The following FMNL2 variants were observed in gnomAD, a reference collection of about 807,000 sequenced individuals.
The protein encoded by FMNL2 is formin like 2, also known as formin-like protein 2.
Under a neutral mutation model 130.2 loss-of-function variants are expected in FMNL2, and 51 were observed. The ratio of observed to expected loss-of-function variants is 0.39; its 90% CI spans 0.31 to 0.49. The LOEUF (loss-of-function observed/expected upper bound fraction) is 0.49, where lower values mean the gene tolerates loss of function less well. Among genes scored for constraint, FMNL2 ranks in the 20% least tolerant of loss-of-function variants. The pLI is 0.85. For synonymous variants in FMNL2, 465 were observed against 467.1 expected (o/e 1.00, Z 0.06); for missense variants, 977 against 1,316.2 (o/e 0.74, Z 3.99).
At chr2:152,426,722 A>G (rs568687425) in intron 1 of FMNL2, among the ~76,000 whole-genome samples, 1 of 152,208 alleles carries the variant, frequency 6.6e-6, no homozygotes, top group Admixed American at 6.5e-5. Context: ...ATAAAACAAC[A>G]ATCTGTTTTG....
intron 2 of FMNL2, among the ~76,000 whole-genome samples, chr2:152,524,959 A>G (rs1200900918): frequency 1.1e-4 from 16 of 152,174 alleles, no homozygotes; most frequent in Admixed American, 1.0e-3. Context: ...TGCTTGTCCA[A>G]GAAAGCTTGT....
intron 9 of FMNL2, among the ~76,000 whole-genome samples, chr2:152,582,784 A>G (rs1696865652): frequency 6.6e-6 from 1 of 152,230 alleles, no homozygotes. Context: ...TCATTAGGTC[A>G]TATTTGAAAA....
At chr2:152,505,378 A>T (rs954760208) in intron 1 of FMNL2, among the ~76,000 whole-genome samples, 8 of 152,226 alleles carry the variant, frequency 5.3e-5, no homozygotes. Context: ...AATGGATAGA[A>T]TTAGAAACAA....
intron 1 of FMNL2, among the ~76,000 whole-genome samples, chr2:152,343,557 A>T (rs894708136): frequency 1.5e-5 from 1 of 65,988 alleles, no homozygotes; most frequent in East Asian, 8.5e-4. Flanking sequence ...TGACATCTCA[A>T]AGTGCTGGGA....
At position 152,648,112 on chromosome 2, in the gene FMNL2, T is replaced by C; in HGVS notation, c.*207T>C. On this transcript the variant is annotated 3_prime_UTR_variant, in exon 26 of 26. Coordinates refer to ENST00000288670, the MANE Select transcript of FMNL2 (RefSeq NM_052905.4). Reference sequence around the variant, plus strand: ...TAAAAATGGAAGTACCTGTTCAGATTAATCAAAGCAATAGGATTTGATTTG... The same window carrying C: ...TAAAAATGGAAGTACCTGTTCAGATCAATCAAAGCAATAGGATTTGATTTG... The C allele has an allele frequency of 1.9e-6, 1 of 522,154 alleles. No homozygotes were observed. Among genetic ancestry groups the C allele is most frequent in the Non-Finnish European group, 3.4e-6 (1 of 297,398 alleles). The allele number at this position is 522,154 out of a possible 1,614,324, so 32.3% of individuals were successfully genotyped here. A position where few individuals can be genotyped will look rare whatever the true frequency, so the allele number is the denominator to read the frequency against.
rs759810666 is a variant in FMNL2 at position 152,578,902 on chromosome 2, G to A, written c.720G>A (p.Met240Ile). Reference sequence around the variant, plus strand: ...GTTAATTTTAGTATGGTTTCAACATGGTCATGTCTCATCCACACGCTGTCA... The same window carrying A: ...GTTAATTTTAGTATGGTTTCAACATAGTCATGTCTCATCCACACGCTGTCA... Reference protein sequence around the residue: ...AIMNYQYGFNMVMSHPHAVNE... With the variant: ...AIMNYQYGFNIVMSHPHAVNE... The change falls in exon 8 of 26, where the codon ATG becomes ATA. Residue 240 changes from methionine (M) to isoleucine (I), a missense_variant. This residue lies in a region of FMNL2 where 689 missense variants were observed against 995.9 expected (regional missense o/e 0.69). Transcript: ENST00000288670. 1 of 1,612,074 alleles carries A rather than the reference G, an allele frequency of 6.2e-7. No homozygotes were observed. Among genetic ancestry groups the A allele is most frequent in the South Asian group, 1.1e-5 (1 of 90,744 alleles).
chr2:152,563,712 C>T lies in FMNL2; in HGVS notation c.596+2677C>T, dbSNP rs73969122. On this transcript the variant is annotated intron_variant, in intron 6 of 25. Transcript: ENST00000288670. ...TTACCATCCTCCCTTTTCTTTTAGC[C>T]ATCTCATTTCTGATTGTCTTCTCCT... 5.7e-3 allele frequency among the ~76,000 whole-genome samples: 861 copies of T among 152,076 alleles called. 3 individuals are homozygous for T. The highest frequency in any genetic ancestry group is 0.017 in the African/African-American group (685 of 41,460).
intron 6 of FMNL2, among the ~76,000 whole-genome samples, chr2:152,569,955 G>A (rs1411042224): frequency 2.7e-5 from 4 of 150,680 alleles, no homozygotes; most frequent in Non-Finnish European, 4.4e-5. Context: ...AGGTTGCAGT[G>A]AGCCAAGAGT....
Position 152,618,861 on chromosome 2 carries a change from G to A in FMNL2, c.1330G>A (p.Ala444Thr). ...TTTATTGCAGGAAATCTACAAAGAT[G>A]CAAATACTCAAGTTCACACATTAAG... Reference protein sequence around the residue: ...LDVVREIYKDANTQVHTLRKM... With the variant: ...LDVVREIYKDTNTQVHTLRKM... The change falls in exon 14 of 26, where the codon GCA (alanine) becomes ACA (threonine). Residue 444 changes from alanine (A) to threonine (T), a missense_variant. Ala to Thr is a moderately conservative substitution (Grantham distance 58). This residue lies in a region of FMNL2 where 689 missense variants were observed against 995.9 expected (regional missense o/e 0.69). Coordinates refer to ENST00000288670, the MANE Select transcript of FMNL2 (RefSeq NM_052905.4). 6.3e-7 allele frequency: 1 copy of A among 1,598,590 alleles called. No homozygotes were observed. Among genetic ancestry groups the A allele is most frequent in the South Asian group, 1.1e-5 (1 of 88,596 alleles).
intron 25 of FMNL2, among the ~76,000 whole-genome samples, chr2:152,642,349 G>A (rs1322976320): frequency 6.6e-6 from 1 of 152,122 alleles, no homozygotes; most frequent in African/African-American, 2.4e-5. Flanking sequence ...TAAATACATA[G>A]GTTAGGTGAT....
intron 1 of FMNL2, among the ~76,000 whole-genome samples, chr2:152,468,938 GTAA>G (rs1390199953): frequency 6.6e-6 from 1 of 152,194 alleles, no homozygotes; most frequent in African/African-American, 2.4e-5. Flanking sequence ...TATAAATGAA[GTAA>G]TAATGATGCA....
chr2:152,591,666 C>A (rs992727813), intron 9 of FMNL2, among the ~76,000 whole-genome samples: 3 of 152,138 alleles, frequency 2.0e-5, no homozygotes, highest in African/African-American at 7.2e-5. Flanking sequence ...ATTAGCCAGG[C>A]ATGTTGGTGC....
rs1012424410 is a variant in FMNL2, at chr2:152,640,979, T to C, written c.3169+65T>C. Reference sequence around the variant, plus strand: ...CTGGCCTCACCTAGACTGGGATGCATGCAGATTTTGCAGCTTCTTTTGTCC... The same window carrying C: ...CTGGCCTCACCTAGACTGGGATGCACGCAGATTTTGCAGCTTCTTTTGTCC... On this transcript the variant is annotated intron_variant, in intron 25 of 25. Coordinates refer to ENST00000288670, the MANE Select transcript of FMNL2 (RefSeq NM_052905.4). The C allele has an allele frequency of 9.4e-6, 15 of 1,593,700 alleles. No individual in the cohort carries two copies. In the South Asian group the frequency reaches 1.0e-4, roughly 11 times the overall value.
intron 1 of FMNL2, among the ~76,000 whole-genome samples, chr2:152,400,320 C>A (rs1057409201): frequency 6.6e-6 from 1 of 152,138 alleles, no homozygotes. Context: ...GCAGTCCCAG[C>A]TACTCTGTGG....
chr2:152,566,290 G>A (rs1695832345), intron 6 of FMNL2, among the ~76,000 whole-genome samples: 1 of 152,202 alleles, frequency 6.6e-6, no homozygotes, highest in Admixed American at 6.5e-5. Flanking sequence ...GATACAGATA[G>A]CGTTGATGTA....
At chr2:152,549,170 A>T in intron 4 of FMNL2, 73 bp downstream of exon 4, 1 of 1,055,554 alleles carries the variant, frequency 9.5e-7, no homozygotes, top group Non-Finnish European at 1.3e-6. Context: ...TCATACCCAA[A>T]GAATTGAGCT....
chr2:152,539,007 G>A (rs546863354), intron 2 of FMNL2, among the ~76,000 whole-genome samples: 31 of 152,106 alleles, frequency 2.0e-4, no homozygotes, highest in Admixed American at 6.5e-4. Context: ...ATTAAAAGTC[G>A]AAACTGCTTT....
intron 18 of FMNL2, 38 bp from the exon 19 acceptor site, chr2:152,629,618 T>C: frequency 6.5e-7 from 1 of 1,545,862 alleles, no homozygotes; most frequent in Non-Finnish European, 8.8e-7. Context: ...TTTTAACATG[T>C]CTTTTTTCCC....
chr2:152,376,100 G>A (rs1684155440), intron 1 of FMNL2, among the ~76,000 whole-genome samples: 1 of 151,862 alleles, frequency 6.6e-6, no homozygotes, highest in Non-Finnish European at 1.5e-5. Flanking sequence ...CACCATGTTG[G>A]CCAGGCTGGC....
Sources: gnomAD v4.1 joint callset for allele counts (sites outside exome capture counted in the v4.1 genomes callset) on GRCh38, gnomAD v4.1.1 for gene constraint, gnomAD v4.1.1 regional missense constraint, MANE v1.5 for transcripts, NCBI Gene and HGNC (gene_info 2026-07-23, HGNC 2026-07-21) for gene names.